Variants in TTBK2 observed in about 807,000 individuals in gnomAD.
The protein encoded by TTBK2 is tau-tubulin kinase 2.
A neutral mutation model predicts 110.8 loss-of-function variants in TTBK2; 28 were observed. The ratio of observed to expected loss-of-function variants is 0.25; its 90% CI spans 0.19 to 0.35. The LOEUF (loss-of-function observed/expected upper bound fraction) is 0.35. Ranked by LOEUF, TTBK2 falls within the 10% of genes least tolerant of loss-of-function variation. The probability of loss-of-function intolerance (pLI) is 1.00; values close to 1 mark genes in which losing one functional copy is unlikely to be tolerated. For missense variants in TTBK2, 1,369 were observed against 1,500.3 expected (o/e 0.91, Z 1.45); for synonymous variants, 532 against 527.3 (o/e 1.01, Z -0.12).
chr15:42,812,981 C>T (rs1891786664), intron 7 of TTBK2, among the ~76,000 whole-genome samples: 1 of 150,638 alleles, frequency 6.6e-6, no homozygotes, highest in Admixed American at 6.6e-5. Context: ...ACTTAAGAGG[C>T]AGCACAAAGG....
intron 9 of TTBK2, among the ~76,000 whole-genome samples, chr15:42,807,999 A>G (rs1891546250): frequency 1.3e-5 from 2 of 152,242 alleles, no homozygotes; most frequent in Admixed American, 1.3e-4. Flanking sequence ...GGTTAAAAAA[A>G]TAAGACATGG....
intron 5 of TTBK2, 36 bp from the exon 6 acceptor site, chr15:42,828,068 AT>A: frequency 6.8e-7 from 1 of 1,462,844 alleles, no homozygotes; most frequent in Non-Finnish European, 9.5e-7. Flanking sequence ...ATACATTCTT[AT>A]AATACTTAGT....
chr15:42,780,036 T>C (rs899884830), intron 11 of TTBK2, among the ~76,000 whole-genome samples: 1 of 151,356 alleles, frequency 6.6e-6, no homozygotes, highest in African/African-American at 2.4e-5. Context: ...TGTTGCTGTC[T>C]GTTTGAGACA....
chr15:42,739,692 G>C lies in TTBK2; in HGVS notation c.*6103C>G, dbSNP rs2061738786. The C allele has an allele frequency of 6.6e-6, 1 of 152,228 alleles. No homozygotes were observed. Among genetic ancestry groups the C allele is most frequent in the Non-Finnish European group, 1.5e-5 (1 of 68,050 alleles). 9.4% of individuals were successfully genotyped at this position (152,228 alleles called of 1,614,324 possible). A position where few individuals can be genotyped will look rare whatever the true frequency, so the allele number is the denominator to read the frequency against. ...TTCTGAAAGCTTTGTCACCTCAGTG[G>C]ACTACTTTGGCTGATGAACAGTTCA... On this transcript the variant is annotated 3_prime_UTR_variant, in exon 15 of 15. Coordinates refer to ENST00000267890, the MANE Select transcript of TTBK2 (RefSeq NM_173500.4).
chr15:42,811,871 T>C, intron 7 of TTBK2, 91 bp from the exon 8 acceptor site: 3 of 1,141,922 alleles, frequency 2.6e-6, no homozygotes, highest in African/African-American at 1.5e-5. Context: ...TTTCACCTTA[T>C]TAGGCTAAAA....
At chr15:42,841,930 C>T (rs987327910) in intron 3 of TTBK2, among the ~76,000 whole-genome samples, 1 of 152,036 alleles carries the variant, frequency 6.6e-6, no homozygotes, top group East Asian at 1.9e-4. Context: ...GGTGCTAAGA[C>T]CAAAAGGCAG....
At chr15:42,827,541 A>C (rs1375218120) in intron 6 of TTBK2, among the ~76,000 whole-genome samples, 1 of 152,226 alleles carries the variant, frequency 6.6e-6, no homozygotes, top group African/African-American at 2.4e-5. Flanking sequence ...TGATTAAACA[A>C]GTAAAAGAAA....
At chr15:42,914,377 C>T (rs577071928) in intron 1 of TTBK2, among the ~76,000 whole-genome samples, 3 of 152,236 alleles carry the variant, frequency 2.0e-5, no homozygotes, top group East Asian at 3.9e-4. Context: ...AATGAATCAC[C>T]GATAAGCTGC....
chr15:42,851,345 A>C (rs756254106), intron 3 of TTBK2, among the ~76,000 whole-genome samples: 63 of 152,028 alleles, frequency 4.1e-4, no homozygotes, highest in Non-Finnish European at 6.6e-4. Context: ...AAAGCAGAAG[A>C]AGCAGGCAGG....
intron 1 of TTBK2, among the ~76,000 whole-genome samples, chr15:42,886,443 T>C (rs1304059003): frequency 6.6e-6 from 1 of 152,226 alleles, no homozygotes; most frequent in Non-Finnish European, 1.5e-5. Context: ...TAGGCTCTTT[T>C]TCATCAAATA....
chr15:42,835,040 C>G (rs1892933984), intron 4 of TTBK2, among the ~76,000 whole-genome samples: 1 of 152,070 alleles, frequency 6.6e-6, no homozygotes, highest in African/African-American at 2.4e-5. Context: ...CCTGCCTTTC[C>G]TATATAAAAT....
chr15:42,836,512 C>T (rs1194775809), intron 4 of TTBK2, among the ~76,000 whole-genome samples: 1 of 151,990 alleles, frequency 6.6e-6, no homozygotes, highest in Non-Finnish European at 1.5e-5. Context: ...GGTTAACTTT[C>T]TTGTGACAGG....
chr15:42,807,469 A>G (rs1197842759), intron 9 of TTBK2, among the ~76,000 whole-genome samples: 1 of 152,086 alleles, frequency 6.6e-6, no homozygotes, highest in Non-Finnish European at 1.5e-5. Flanking sequence ...GCTGGAGTGC[A>G]GTGGCACAAT....
Position 42,745,337 on chromosome 15 carries a change from C to A in TTBK2, c.*458G>T, listed in dbSNP as rs898909748. 8 of 194,214 alleles carry A rather than the reference C, an allele frequency of 4.1e-5. No homozygotes were observed. The highest frequency in any genetic ancestry group is 8.6e-5 in the Non-Finnish European group (8 of 92,878). 12.0% of individuals were successfully genotyped at this position (194,214 alleles called of 1,614,324 possible). ...TGAATACTGGCTCCCTGGCAACAGA[C>A]TTCTTATATAATCTAATATCTGATC... is the stretch of plus-strand genomic sequence containing the variant. On this transcript the variant is annotated 3_prime_UTR_variant, in exon 15 of 15. Transcript: ENST00000267890.
chr15:42,879,056 T>C (rs180731865), intron 1 of TTBK2, among the ~76,000 whole-genome samples: 3 of 152,328 alleles, frequency 2.0e-5, no homozygotes, highest in African/African-American at 7.2e-5. Context: ...TGCTTATAGT[T>C]TGTAACTTAG....
rs1054598286 is a variant in TTBK2 at position 42,745,708 on chromosome 15, A to AT, written c.*86dup. The AT allele has an allele frequency of 1.7e-5, 26 of 1,503,562 alleles. No homozygotes were observed. The African/African-American group carries it at 2.3e-4, about 14-fold the overall frequency. The allele number at this position is 1,503,562 out of a possible 1,614,324, so 93.1% of individuals were successfully genotyped here. ...CTTTTGCAAGAGAAGATCAACACTG[A>AT]TTTTTTTACATAGAAAGTACAGGGA... is the stretch of plus-strand genomic sequence containing the variant. On this transcript the variant is annotated 3_prime_UTR_variant, in exon 15 of 15. Transcript: ENST00000267890.
intron 14 of TTBK2, among the ~76,000 whole-genome samples, chr15:42,747,198 G>A (rs1473377439): frequency 6.6e-6 from 1 of 151,964 alleles, no homozygotes; most frequent in Non-Finnish European, 1.5e-5. Context: ...AAACTCCTGA[G>A]CTCTAGCAAT....
intron 9 of TTBK2, among the ~76,000 whole-genome samples, chr15:42,807,022 G>C (rs1212007958): frequency 6.6e-6 from 1 of 152,108 alleles, no homozygotes; most frequent in Non-Finnish European, 1.5e-5. Context: ...CAACCTTGTA[G>C]CATCTATGCC....
intron 11 of TTBK2, 120 bp from the exon 12 acceptor site, chr15:42,777,362 A>G: frequency 1.8e-6 from 2 of 1,091,384 alleles, no homozygotes; most frequent in South Asian, 1.5e-5. Context: ...GATGATTAGG[A>G]TATTTTGGCT....
Sources: allele counts gnomAD v4.1 joint callset (sites outside exome capture counted in the v4.1 genomes callset), GRCh38; gene constraint gnomAD v4.1.1; transcripts MANE v1.5; gene names NCBI Gene and HGNC (gene_info 2026-07-23, HGNC 2026-07-21).